The following RBFOX1 variants were observed in gnomAD, a reference collection of about 807,000 sequenced individuals.
RBFOX1 encodes RNA binding protein fox-1 homolog 1.
In RBFOX1, 8 loss-of-function variants were observed where a neutral mutation model predicts 57.7. The observed-to-expected ratio is 0.14, with a 90% CI of 0.08 to 0.25. The LOEUF (loss-of-function observed/expected upper bound fraction) is 0.25, where lower values mean the gene tolerates loss of function less well. RBFOX1 is among the 10% of genes least tolerant of loss of function. The pLI, the probability that RBFOX1 is intolerant of heterozygous loss-of-function variation, is 1.00. For missense variants in RBFOX1, 611 were observed against 548.5 expected (o/e 1.11, Z -1.14); for synonymous variants, 326 against 222.4 (o/e 1.47, Z -4.15).
At chr16:6,797,595 A>T (rs2084381016) in intron 3 of RBFOX1, among the ~76,000 whole-genome samples, 1 of 152,176 alleles carries the variant, frequency 6.6e-6, no homozygotes, top group African/African-American at 2.4e-5. Flanking sequence ...TGACAGAAGA[A>T]ATGAAACAGC....
chr16:6,545,665 C>A (rs2096884679), intron 2 of RBFOX1, among the ~76,000 whole-genome samples: 1 of 152,192 alleles, frequency 6.6e-6, no homozygotes, highest in South Asian at 2.1e-4. Context: ...AAGTTACTCA[C>A]CATGGTGTCC....
intron 2 of RBFOX1, among the ~76,000 whole-genome samples, chr16:6,485,926 C>T (rs987578795): frequency 6.6e-6 from 1 of 151,834 alleles, no homozygotes; most frequent in Admixed American, 6.6e-5. Flanking sequence ...ACTTATGGGC[C>T]AGGTAATTGA....
intron 3 of RBFOX1, among the ~76,000 whole-genome samples, chr16:7,019,421 TGGGAGAG>T (rs2094094215): frequency 6.6e-6 from 1 of 151,676 alleles, no homozygotes; most frequent in Admixed American, 6.6e-5. Context: ...AGAGAGAGAG[TGGGAGAG>T]TGCATTCATG....
At chr16:6,238,557 A>T (rs996073989) in intron 1 of RBFOX1, among the ~76,000 whole-genome samples, 3 of 152,318 alleles carry the variant, frequency 2.0e-5, no homozygotes, top group South Asian at 2.1e-4. Flanking sequence ...ATAAAGTGTC[A>T]TTAAGTATGT....
chr16:7,342,548 T>A (rs944495870), intron 4 of RBFOX1, among the ~76,000 whole-genome samples: 1 of 152,190 alleles, frequency 6.6e-6, no homozygotes, highest in African/African-American at 2.4e-5. Flanking sequence ...TGAATGTTCA[T>A]TTTGATAAAT....
intron 2 of RBFOX1, among the ~76,000 whole-genome samples, chr16:6,580,477 G>C (rs2097521784): frequency 6.6e-6 from 1 of 152,066 alleles, no homozygotes; most frequent in South Asian, 2.1e-4. Flanking sequence ...TAAACAGCAG[G>C]CAAGATTAAA....
chr16:7,348,158 A>G (rs1000090366), intron 4 of RBFOX1, among the ~76,000 whole-genome samples: 2 of 152,260 alleles, frequency 1.3e-5, no homozygotes, highest in African/African-American at 4.8e-5. Context: ...TTTCAGAAAC[A>G]AAAAGCACAA....
intron 2 of RBFOX1, among the ~76,000 whole-genome samples, chr16:6,567,619 G>GTCTCTT (rs2097285617): frequency 6.6e-6 from 1 of 152,146 alleles, no homozygotes; most frequent in Non-Finnish European, 1.5e-5. Flanking sequence ...AAAGGACCTT[G>GTCTCTT]TCTCTTTCAT....
At chr16:6,793,438 T>C (rs1205573022) in intron 3 of RBFOX1, among the ~76,000 whole-genome samples, 1 of 152,198 alleles carries the variant, frequency 6.6e-6, no homozygotes, top group Non-Finnish European at 1.5e-5. Context: ...CAGAATTCTC[T>C]GAGAGAAATA....
At chr16:6,836,391 A>G (rs12934650) in intron 3 of RBFOX1, among the ~76,000 whole-genome samples, 21,079 of 152,220 alleles carry the variant, frequency 0.14, 1,580 homozygotes, top group Non-Finnish European at 0.16. Flanking sequence ...CAGAAACCCC[A>G]TAGGGTTTTA....
At chr16:5,788,685 C>A (rs1166219398) in intron 3 of RBFOX1, among the ~76,000 whole-genome samples, 1 of 152,024 alleles carries the variant, frequency 6.6e-6, no homozygotes, top group Admixed American at 6.6e-5. Context: ...AAAGATAGGC[C>A]TTATTTAGCA....
At chr16:6,460,913 A>G (rs1173385759) in intron 2 of RBFOX1, among the ~76,000 whole-genome samples, 2 of 152,016 alleles carry the variant, frequency 1.3e-5, no homozygotes, top group African/African-American at 4.8e-5. Flanking sequence ...ACCATGGAAT[A>G]CTATGCAGCC....
At chr16:5,381,864 C>T (rs546143441) in intron 1 of RBFOX1, among the ~76,000 whole-genome samples, 1 of 152,212 alleles carries the variant, frequency 6.6e-6, no homozygotes, top group Non-Finnish European at 1.5e-5. Context: ...AACAGGCTGG[C>T]TAACTCCAGC....
At chr16:6,114,233 T>C (rs1242680902) in intron 1 of RBFOX1, among the ~76,000 whole-genome samples, 1 of 152,236 alleles carries the variant, frequency 6.6e-6, no homozygotes, top group Non-Finnish European at 1.5e-5. Context: ...ATTTCCATCT[T>C]ATGCAATTAA....
intron 1 of RBFOX1, among the ~76,000 whole-genome samples, chr16:6,250,162 G>A (rs2097596913): frequency 6.6e-6 from 1 of 152,232 alleles, no homozygotes. Flanking sequence ...ATCTGCTGTT[G>A]CTTAGTTGCT....
chr16:6,164,906 T>A (rs1267173313), intron 1 of RBFOX1, among the ~76,000 whole-genome samples: 1 of 152,204 alleles, frequency 6.6e-6, no homozygotes, highest in African/African-American at 2.4e-5. Flanking sequence ...CGAAGTTGAA[T>A]TTTTCATTAA....
chr16:7,083,062 C>A (rs979552192), intron 4 of RBFOX1, among the ~76,000 whole-genome samples: 8 of 152,028 alleles, frequency 5.3e-5, no homozygotes, highest in African/African-American at 1.9e-4. Flanking sequence ...TTGGGAGTGA[C>A]AATAAATAGA....
chr16:7,343,423 G>A (rs937214326), intron 4 of RBFOX1, among the ~76,000 whole-genome samples: 1 of 152,204 alleles, frequency 6.6e-6, no homozygotes, highest in Non-Finnish European at 1.5e-5. Context: ...CTGACCAGCA[G>A]TGGGATTTGG....
intron 3 of RBFOX1, among the ~76,000 whole-genome samples, chr16:6,907,391 T>G (rs945125678): frequency 1.2e-4 from 19 of 152,320 alleles, no homozygotes; most frequent in African/African-American, 4.3e-4. Context: ...GTATTGGTTT[T>G]CTAGGGCTTC....
Sources: allele counts gnomAD v4.1 joint callset (sites outside exome capture counted in the v4.1 genomes callset), GRCh38; gene constraint gnomAD v4.1.1; transcripts MANE v1.5; gene names NCBI Gene and HGNC (gene_info 2026-07-23, HGNC 2026-07-21).